ERBB4: variants seen among roughly 807,000 people sequenced by gnomAD.
ERBB4 encodes the protein erb-b2 receptor tyrosine kinase 4, also known as receptor tyrosine-protein kinase erbB-4.
In ERBB4, 42 loss-of-function variants were observed where a neutral mutation model predicts 158.0. That is an observed-to-expected ratio of 0.27 (90% confidence interval 0.21 to 0.34). The LOEUF (loss-of-function observed/expected upper bound fraction) is 0.34. ERBB4 is among the 10% of genes least tolerant of loss of function. The probability of loss-of-function intolerance (pLI) is 1.00; values close to 1 mark genes in which losing one functional copy is unlikely to be tolerated. For missense variants in ERBB4, 1,333 were observed against 1,624.1 expected (o/e 0.82, Z 3.08); for synonymous variants, 583 against 558.7 (o/e 1.04, Z -0.61).
intron 2 of ERBB4, among the ~76,000 whole-genome samples, chr2:212,083,179 T>C (rs2078496791): frequency 6.6e-6 from 1 of 152,026 alleles, no homozygotes; most frequent in South Asian, 2.1e-4. Context: ...CTTTTTTTGA[T>C]AGAATTACAA....
At position 212,252,140 on chromosome 2, in the gene ERBB4, G is replaced by T. The variant is rs187946875; in HGVS notation, c.83-127237C>A. On this transcript the variant is annotated intron_variant, in intron 1 of 27. Coordinates refer to ENST00000342788, the MANE Select transcript of ERBB4 (RefSeq NM_005235.3). ...AGGTGTCTGACTTAAGCAACTAAAA[G>T]AATCTATTTGCAATTTACTGCGATG... is the stretch of plus-strand genomic sequence containing the variant. Among the ~76,000 whole-genome samples, 7 of 152,130 alleles carry T rather than the reference G, an allele frequency of 4.6e-5. No homozygotes were observed. In the East Asian group the frequency reaches 1.4e-3, roughly 29 times the overall value.
chr2:211,409,929 G>GTTAC (rs1442805644), intron 25 of ERBB4, among the ~76,000 whole-genome samples: 1 of 152,272 alleles, frequency 6.6e-6, no homozygotes, highest in Admixed American at 6.5e-5. Context: ...CGAGTACATA[G>GTTAC]TTACTTATGC....
intron 2 of ERBB4, among the ~76,000 whole-genome samples, chr2:211,998,895 C>T (rs562338159): frequency 1.3e-5 from 2 of 151,914 alleles, no homozygotes; most frequent in African/African-American, 2.4e-5. Context: ...ACTATGATTA[C>T]CTTTATGTCA....
chr2:212,054,981 G>A (rs756515064), intron 2 of ERBB4, among the ~76,000 whole-genome samples: 2 of 152,134 alleles, frequency 1.3e-5, no homozygotes, highest in South Asian at 2.1e-4. Flanking sequence ...CCCACTGAGC[G>A]AGAGCCAAAG....
chr2:212,258,970 G>T (rs1445888789), intron 1 of ERBB4, among the ~76,000 whole-genome samples: 1 of 152,002 alleles, frequency 6.6e-6, no homozygotes, highest in African/African-American at 2.4e-5. Flanking sequence ...GAAGTCTACT[G>T]GTGCTCACCA....
chr2:212,164,308 A>C (rs2081285940), intron 1 of ERBB4, among the ~76,000 whole-genome samples: 1 of 152,004 alleles, frequency 6.6e-6, no homozygotes. Flanking sequence ...AAAAAACAAC[A>C]AAATATAAAG....
rs1319586171 is a variant in ERBB4, at chr2:211,534,157, GTAAT to G, written c.2487+27742_2487+27745del. Among the ~76,000 whole-genome samples, 9 of 152,090 alleles carry G rather than the reference GTAAT, an allele frequency of 5.9e-5. 1 individual carries two copies. Among genetic ancestry groups the G allele is most frequent in the Non-Finnish European group, 1.2e-4 (8 of 68,010 alleles). On this transcript the variant is annotated intron_variant, in intron 20 of 27. Transcript: ENST00000342788. ...GTTGCTATCAGTTGCTACTGTGTAA[GTAAT>G]TATTTCTTCTTAATTGTTGTGAAGT...
rs981077675 is a variant in ERBB4 at position 211,452,324 on chromosome 2, C to A, written c.2488-21224G>T. Among the ~76,000 whole-genome samples, 4 of 152,006 alleles carry A rather than the reference C, an allele frequency of 2.6e-5. No individual in the cohort carries two copies. In the East Asian group the frequency reaches 7.8e-4, roughly 29 times the overall value. The stretch of plus-strand genomic sequence containing the variant: ...TCCTGAGTAGCTGGGATTACAGGCA[C>A]GTGCTATCACGCCCGGCTAATTTTT... On this transcript the variant is annotated intron_variant, in intron 20 of 27. Transcript: ENST00000342788.
intron 1 of ERBB4, among the ~76,000 whole-genome samples, chr2:212,164,237 A>G (rs568357443): frequency 6.6e-6 from 1 of 152,188 alleles, no homozygotes; most frequent in South Asian, 2.1e-4. Flanking sequence ...GTCTGAATTG[A>G]TATGTGCTAT....
At chr2:212,516,983 C>G (rs1691883749) in intron 1 of ERBB4, among the ~76,000 whole-genome samples, 1 of 152,096 alleles carries the variant, frequency 6.6e-6, no homozygotes, top group African/African-American at 2.4e-5. Flanking sequence ...TGAGATAACT[C>G]TTAGTAAAGG....
chr2:212,217,522 A>G (rs185847910), intron 1 of ERBB4, among the ~76,000 whole-genome samples: 11 of 151,416 alleles, frequency 7.3e-5, no homozygotes, highest in African/African-American at 2.7e-4. Context: ...TTGTTAGTAT[A>G]AGAAGCTATG....
intron 2 of ERBB4, among the ~76,000 whole-genome samples, chr2:212,110,776 T>G (rs967848629): frequency 6.6e-6 from 1 of 152,236 alleles, no homozygotes; most frequent in Admixed American, 6.5e-5. Context: ...GGGACTACAT[T>G]TCTTGGAAAG....
At chr2:212,406,624 A>G (rs1170574096) in intron 1 of ERBB4, among the ~76,000 whole-genome samples, 1 of 152,186 alleles carries the variant, frequency 6.6e-6, no homozygotes, top group Non-Finnish European at 1.5e-5. Flanking sequence ...GGACGGGTAC[A>G]TTAATGAAAC....
At chr2:211,448,353 A>G (rs774682904) in intron 20 of ERBB4, among the ~76,000 whole-genome samples, 7 of 152,254 alleles carry the variant, frequency 4.6e-5, no homozygotes, top group Non-Finnish European at 8.8e-5. Context: ...AGGTGAATCT[A>G]AATCCAAACA....
intron 2 of ERBB4, among the ~76,000 whole-genome samples, chr2:212,103,187 G>A (rs2079131801): frequency 6.6e-6 from 1 of 152,078 alleles, no homozygotes; most frequent in Admixed American, 6.6e-5. Context: ...GCCCCAAAGA[G>A]TTACACATTC....
At chr2:211,485,300 A>G (rs1197393580) in intron 20 of ERBB4, among the ~76,000 whole-genome samples, 1 of 152,192 alleles carries the variant, frequency 6.6e-6, no homozygotes, top group Non-Finnish European at 1.5e-5. Flanking sequence ...GTAAACATAA[A>G]GTCAAGATGT....
chr2:211,476,454 T>G (rs1345884918), intron 20 of ERBB4, among the ~76,000 whole-genome samples: 1 of 152,048 alleles, frequency 6.6e-6, no homozygotes, highest in Non-Finnish European at 1.5e-5. Context: ...TTTATTGGGT[T>G]TGTAACATCA....
chr2:211,923,538 A>T (rs2079929314), intron 3 of ERBB4, among the ~76,000 whole-genome samples: 1 of 152,140 alleles, frequency 6.6e-6, no homozygotes, highest in South Asian at 2.1e-4. Context: ...ATTCATCTTC[A>T]TGAGATGGTG....
intron 23 of ERBB4, among the ~76,000 whole-genome samples, chr2:211,422,537 C>G (rs2125408207): frequency 6.7e-6 from 1 of 149,996 alleles, no homozygotes; most frequent in Non-Finnish European, 1.5e-5. Context: ...AATGCCTGTT[C>G]AGCAATAGAC....
Sources: allele counts gnomAD v4.1 joint callset (sites outside exome capture counted in the v4.1 genomes callset), GRCh38; gene constraint gnomAD v4.1.1; transcripts MANE v1.5; gene names NCBI Gene and HGNC (gene_info 2026-07-23, HGNC 2026-07-21).